Variants in PCMT1 observed in about 807,000 individuals in gnomAD.
PCMT1 encodes protein-L-isoaspartate(D-aspartate) O-methyltransferase.
Under a neutral mutation model 29.2 loss-of-function variants are expected in PCMT1, and 9 were observed. The ratio of observed to expected loss-of-function variants is 0.31; its 90% confidence interval spans 0.19 to 0.54. The LOEUF (loss-of-function observed/expected upper bound fraction) is 0.54. Among genes scored for constraint, PCMT1 ranks in the 20% least tolerant of loss-of-function variants. The pLI, the probability that PCMT1 is intolerant of heterozygous loss-of-function variation, is 0.95. For missense variants in PCMT1, 184 were observed against 282.2 expected, an observed-to-expected ratio of 0.65 and a Z score of 2.49; for synonymous variants, 98 against 97.5, an observed-to-expected ratio of 1.00 and a Z score of -0.03.
chr6:149,774,626 C>T (rs966169162), intron 3 of PCMT1, among the ~76,000 whole-genome samples: 2 of 151,020 alleles, frequency 1.3e-5, no homozygotes, highest in Admixed American at 1.3e-4. Context: ...CAACCTCCAC[C>T]TCCTAGGTTC....
At chr6:149,791,505 A>G (rs1370940611) in intron 4 of PCMT1, among the ~76,000 whole-genome samples, 2 of 152,170 alleles carry the variant, frequency 1.3e-5, no homozygotes, top group Non-Finnish European at 2.9e-5. Context: ...GAATATTCTG[A>G]TCTAGTTAAA....
intron 2 of PCMT1, 143 bp from the exon 3 acceptor site, chr6:149,772,995 C>T (rs1320048020): frequency 1.7e-5 from 10 of 592,326 alleles, no homozygotes; most frequent in Admixed American, 3.5e-5. Flanking sequence ...CTAGCCTGGG[C>T]GACACAGTGA....
intron 3 of PCMT1, among the ~76,000 whole-genome samples, chr6:149,786,559 G>A (rs1583039651): frequency 2.4e-5 from 2 of 82,012 alleles, no homozygotes; most frequent in South Asian, 7.0e-4. Flanking sequence ...CTTCTCAGAC[G>A]GGGCGGTTGC....
rs4552 is a variant in PCMT1 at position 149,811,183 on chromosome 6, A to G, written c.*605A>G. The G allele has an allele frequency of 1.3e-5, 2 of 152,628 alleles. No homozygotes were observed. The highest frequency in any genetic ancestry group is 1.3e-4 in the Admixed American group (2 of 15,280). The allele number at this position is 152,628 out of a possible 1,614,324, so 9.5% of individuals were successfully genotyped here. A position where few individuals can be genotyped will look rare whatever the true frequency, so the allele number is the denominator to read the frequency against. Reference sequence around the variant, plus strand: ...ACTAGGCATTTGTAAATATTAAACCATAAGATGGCAGGTGATGTCCTGTAA... The same window carrying G: ...ACTAGGCATTTGTAAATATTAAACCGTAAGATGGCAGGTGATGTCCTGTAA... On this transcript the variant is annotated 3_prime_UTR_variant, in exon 8 of 8. Transcript: ENST00000464889.
At chr6:149,810,380 A>G (rs573878050) in intron 7 of PCMT1, among the ~76,000 whole-genome samples, 4 of 152,266 alleles carry the variant, frequency 2.6e-5, no homozygotes, top group Non-Finnish European at 4.4e-5. Flanking sequence ...GAAATCAAAA[A>G]TGAAGAACTC....
chr6:149,769,045 A>ACATTTTCT (rs1490040584), intron 1 of PCMT1, among the ~76,000 whole-genome samples: 1 of 152,102 alleles, frequency 6.6e-6, no homozygotes. Flanking sequence ...ACTCCCTGGC[A>ACATTTTCT]CATTTTCTTA....
rs571506303 is a variant in PCMT1, at chr6:149,762,860, G to GAT, written c.56-8293_56-8292dup. On this transcript the variant is annotated intron_variant, in intron 1 of 7. Coordinates refer to ENST00000464889, the MANE Select transcript of PCMT1 (RefSeq NM_001360452.2). ...ATATATATCTATGATATATATCTAT[G>GAT]ATATATATATCTATGATATATATGT... is the stretch of plus-strand genomic sequence containing the variant. Among the ~76,000 whole-genome samples, 10 of 46,290 alleles carry GAT rather than the reference G, an allele frequency of 2.2e-4. 4 individuals are homozygous for GAT. The highest frequency in any genetic ancestry group is 1.4e-3 in the African/African-American group (6 of 4,216). The allele number at this position is 46,290 out of a possible 152,430, so 30.4% of individuals were successfully genotyped here. A position where few individuals can be genotyped will look rare whatever the true frequency, so the allele number is the denominator to read the frequency against.
In PCMT1 at chr6:149,786,199, G is replaced by C. The variant is rs1788054633; in HGVS notation, c.193-3755G>C. Among the ~76,000 whole-genome samples, 2 of 132,146 alleles carry C rather than the reference G, an allele frequency of 1.5e-5. 1 individual carries two copies. The allele number at this position is 132,146 out of a possible 152,430, so 86.7% of individuals were successfully genotyped here. A position where few individuals can be genotyped will look rare whatever the true frequency, so the allele number is the denominator to read the frequency against. On this transcript the variant is annotated intron_variant, in intron 3 of 7. Transcript: ENST00000464889. ...ACCTCCCTCCCAGACGGGGCGGCTGGCCGGGCGGGGGGGCTGACCCCCCCA... is the reference window on the plus strand; with the variant it reads ...ACCTCCCTCCCAGACGGGGCGGCTGCCCGGGCGGGGGGGCTGACCCCCCCA...
chr6:149,792,198 C>G (rs1788398595), intron 4 of PCMT1, among the ~76,000 whole-genome samples: 1 of 152,004 alleles, frequency 6.6e-6, no homozygotes, highest in Admixed American at 6.6e-5. Context: ...GCCTGTAATC[C>G]CAGCTATTTG....
At chr6:149,764,302 G>A (rs969655634) in intron 1 of PCMT1, among the ~76,000 whole-genome samples, 1 of 152,156 alleles carries the variant, frequency 6.6e-6, no homozygotes, top group Non-Finnish European at 1.5e-5. Flanking sequence ...TAACCTCAAT[G>A]TTATGATCTG....
chr6:149,769,195 A>G (rs377596682), intron 1 of PCMT1, among the ~76,000 whole-genome samples: 1 of 151,792 alleles, frequency 6.6e-6, no homozygotes, highest in African/African-American at 2.4e-5. Context: ...TTTTGTGGAC[A>G]GAGTTCATTG....
chr6:149,790,443 C>T (rs1419738127), intron 4 of PCMT1, among the ~76,000 whole-genome samples: 2 of 151,856 alleles, frequency 1.3e-5, no homozygotes, highest in African/African-American at 4.8e-5. Flanking sequence ...AGATGGTGGC[C>T]AGTAGCTCCC....
In PCMT1 at chr6:149,793,601, A is replaced by G. The variant is rs751714538; in HGVS notation, c.350A>G (p.Asp117Gly). ...IGIDHIKELVDDSVNNVRKDD... is the reference protein window; with the variant it reads ...IGIDHIKELVGDSVNNVRKDD... ...ATTGATCACATTAAAGAGCTAGTAG[A>G]TGACTCAGTAAATAATGTCAGGAAG... The change falls in exon 5 of 8, where the codon GAT becomes GGT. Residue 117 changes from aspartate to glycine, a missense_variant. Coordinates refer to ENST00000464889, the MANE Select transcript of PCMT1 (RefSeq NM_001360452.2). 1.9e-6 allele frequency: 3 copies of G among 1,566,752 alleles called. No individual in the cohort carries two copies. Among genetic ancestry groups the G allele is most frequent in the African/African-American group, 1.4e-5 (1 of 71,226 alleles).
At chr6:149,769,322 T>TTTTTTTTTTTTTTTTTTTTTTTA (rs1787217713) in intron 1 of PCMT1, among the ~76,000 whole-genome samples, 1 of 112,356 alleles carries the variant, frequency 8.9e-6, no homozygotes, top group Non-Finnish European at 2.0e-5. Flanking sequence ...TTTTTTTTTT[T>TTTTTTTTTTTTTTTTTTTTTTTA]TTTTTTTTTT....
At chr6:149,796,542 A>G in intron 6 of PCMT1, 42 bp downstream of exon 6, 1 of 1,347,580 alleles carries the variant, frequency 7.4e-7, no homozygotes, top group Non-Finnish European at 1.1e-6. Context: ...TTATTCAACT[A>G]AAACTCTACA....
Position 149,749,761 on chromosome 6 carries a change from G to A in PCMT1, c.-141G>A. 6.5e-7 allele frequency: 1 copy of A among 1,547,028 alleles called. No individual in the cohort carries two copies. Among genetic ancestry groups the A allele is most frequent in the Non-Finnish European group, 8.7e-7 (1 of 1,144,972 alleles). ...AGCGCGCAGTGGCGGCAGCGGCGGC[G>A]ACGGCAGTAACAGCGGCAGCTACAG... On this transcript the variant is annotated 5_prime_UTR_variant, in exon 1 of 8. Coordinates refer to ENST00000464889, the MANE Select transcript of PCMT1 (RefSeq NM_001360452.2).
intron 3 of PCMT1, among the ~76,000 whole-genome samples, chr6:149,778,023 T>C (rs771249986): frequency 2.6e-5 from 4 of 151,412 alleles, no homozygotes; most frequent in Non-Finnish European, 5.9e-5. Flanking sequence ...ATTACAGATA[T>C]ACACCACCAA....
At chr6:149,779,135 T>C (rs1034017177) in intron 3 of PCMT1, among the ~76,000 whole-genome samples, 3 of 152,144 alleles carry the variant, frequency 2.0e-5, no homozygotes, top group Non-Finnish European at 4.4e-5. Flanking sequence ...CTGTGTTCCA[T>C]CGTTTTACAT....
chr6:149,798,306 T>C (rs1788696737), intron 6 of PCMT1: 1 of 152,160 alleles, frequency 6.6e-6, no homozygotes, highest in South Asian at 2.1e-4. Flanking sequence ...TTTTTAACTT[T>C]TCAAAAAAAA....
Sources: gnomAD v4.1 joint callset for allele counts (sites outside exome capture counted in the v4.1 genomes callset) on GRCh38, gnomAD v4.1.1 for gene constraint, MANE v1.5 for transcripts, NCBI Gene and HGNC (gene_info 2026-07-23, HGNC 2026-07-21) for gene names.